Variants in ARSB observed in about 807,000 individuals in gnomAD.
ARSB encodes the protein N-acetylgalactosamine-4-sulfatase.
Under a neutral mutation model 50.9 loss-of-function variants are expected in ARSB, and 41 were observed. That is an observed-to-expected ratio of 0.81 (90% CI 0.63 to 1.04). ARSB has a LOEUF of 1.04. Among genes scored for constraint, ARSB ranks in the 50% least tolerant of loss-of-function variants. ARSB has a pLI of 0.00. For missense variants in ARSB, 672 were observed against 693.3 expected, an observed-to-expected ratio of 0.97 and a Z score of 0.35; for synonymous variants, 269 against 284.8, an observed-to-expected ratio of 0.94 and a Z score of 0.56.
At chr5:78,796,048 T>C (rs1480334132) in intron 6 of ARSB, among the ~76,000 whole-genome samples, 1 of 152,216 alleles carries the variant, frequency 6.6e-6, no homozygotes, top group East Asian at 1.9e-4. Context: ...GCAGTGTTGA[T>C]TGAGCAGTGT....
intron 1 of ARSB, among the ~76,000 whole-genome samples, chr5:78,983,866 T>C (rs1475655768): frequency 2.6e-5 from 4 of 152,180 alleles, no homozygotes; most frequent in African/African-American, 9.7e-5. Flanking sequence ...TTCAAATATA[T>C]ATCCCCTGTC....
intron 4 of ARSB, among the ~76,000 whole-genome samples, chr5:78,913,887 T>C (rs927215082): frequency 6.6e-6 from 1 of 151,992 alleles, no homozygotes; most frequent in Non-Finnish European, 1.5e-5. Flanking sequence ...ATTTTCACTA[T>C]AAAAGGTTAA....
In ARSB at chr5:78,954,270, GCTCT is replaced by G. The variant is rs1187271761; in HGVS notation, c.898+1021_898+1024del. On this transcript the variant is annotated intron_variant, in intron 4 of 7. Transcript: ENST00000264914. ...GGATCTGCATTTTCAGATTGAAAGT[GCTCT>G]CTGAGTACTCAGCATGATGAATAAA... Among the ~76,000 whole-genome samples the G allele has an allele frequency of 3.3e-5, 5 of 152,186 alleles. No homozygotes were observed. In the East Asian group the frequency reaches 7.7e-4, roughly 24 times the overall value.
chr5:78,791,279 T>C (rs767463171), intron 6 of ARSB, among the ~76,000 whole-genome samples: 1 of 152,236 alleles, frequency 6.6e-6, no homozygotes, highest in Non-Finnish European at 1.5e-5. Flanking sequence ...GATTTAGGTT[T>C]AATTAGCAAC....
chr5:78,929,292 C>A (rs1561507741), intron 4 of ARSB, among the ~76,000 whole-genome samples: 1 of 152,166 alleles, frequency 6.6e-6, no homozygotes, highest in Non-Finnish European at 1.5e-5. Flanking sequence ...CCTTTGGTAA[C>A]ATTTCTTCTC....
Position 78,823,958 on chromosome 5 carries a change from G to T in ARSB, c.1213+15398C>A, listed in dbSNP as rs192807635. On this transcript the variant is annotated intron_variant, in intron 6 of 7. Coordinates refer to ENST00000264914, the MANE Select transcript of ARSB (RefSeq NM_000046.5). ...GAAATGTGATCCCCAATGTTGGAGGGGGGGCACAGTGGGGAGTGTTTGGGC... is the reference window on the plus strand; with the variant it reads ...GAAATGTGATCCCCAATGTTGGAGGTGGGGCACAGTGGGGAGTGTTTGGGC... Among the ~76,000 whole-genome samples, 3 of 152,236 alleles carry T rather than the reference G, an allele frequency of 2.0e-5. No homozygotes were observed. In the East Asian group the frequency reaches 5.8e-4, roughly 29 times the overall value.
intron 5 of ARSB, among the ~76,000 whole-genome samples, chr5:78,874,685 C>T (rs1199970853): frequency 2.0e-5 from 3 of 152,010 alleles, no homozygotes; most frequent in African/African-American, 7.2e-5. Context: ...AATTCATCTA[C>T]TAAAACATTA....
intron 6 of ARSB, among the ~76,000 whole-genome samples, chr5:78,808,819 C>T (rs1743684895): frequency 6.6e-6 from 1 of 152,348 alleles, no homozygotes; most frequent in African/African-American, 2.4e-5. Flanking sequence ...TGGAGGGACA[C>T]AGGATGGCCC....
At chr5:78,984,284 A>G (rs1299982403) in intron 1 of ARSB, among the ~76,000 whole-genome samples, 1 of 152,228 alleles carries the variant, frequency 6.6e-6, no homozygotes, top group Non-Finnish European at 1.5e-5. Flanking sequence ...TGCACGCTCT[A>G]CATTTATATT....
At chr5:78,912,732 T>G (rs1230880098) in intron 4 of ARSB, among the ~76,000 whole-genome samples, 2 of 152,072 alleles carry the variant, frequency 1.3e-5, no homozygotes, top group Non-Finnish European at 2.9e-5. Flanking sequence ...GAAATAGAGG[T>G]CAGACAGGAG....
At chr5:78,871,531 T>C (rs1232329094) in intron 5 of ARSB, among the ~76,000 whole-genome samples, 4 of 150,196 alleles carry the variant, frequency 2.7e-5, no homozygotes, top group Non-Finnish European at 5.9e-5. Flanking sequence ...AACTATCTGA[T>C]CTTTGACAAA....
intron 5 of ARSB, among the ~76,000 whole-genome samples, chr5:78,853,506 G>T (rs1424028919): frequency 6.6e-6 from 1 of 152,228 alleles, no homozygotes; most frequent in Non-Finnish European, 1.5e-5. Flanking sequence ...GGGGTTCAGG[G>T]ATCAGGGACC....
chr5:78,930,013 C>A (rs1335641344), intron 4 of ARSB, among the ~76,000 whole-genome samples: 1 of 152,144 alleles, frequency 6.6e-6, no homozygotes, highest in Non-Finnish European at 1.5e-5. Context: ...ACCGGTCAGG[C>A]CACTCCCTCC....
intron 6 of ARSB, among the ~76,000 whole-genome samples, chr5:78,826,669 G>A (rs1322274650): frequency 6.6e-6 from 1 of 152,176 alleles, no homozygotes; most frequent in East Asian, 1.9e-4. Flanking sequence ...ATATTCTCTG[G>A]TTCAAAACTG....
At chr5:78,868,650 C>T (rs979495885) in intron 5 of ARSB, among the ~76,000 whole-genome samples, 1 of 148,816 alleles carries the variant, frequency 6.7e-6, no homozygotes, top group African/African-American at 2.5e-5. Context: ...CCTAAAAGAG[C>T]TCCTGAAGGA....
intron 2 of ARSB, among the ~76,000 whole-genome samples, chr5:78,966,414 A>G (rs763841032): frequency 5.3e-5 from 8 of 152,218 alleles, no homozygotes; most frequent in Non-Finnish European, 1.0e-4. Context: ...TGCTTTATGT[A>G]CCAGCTGCAT....
At chr5:78,904,136 T>C (rs987529020) in intron 4 of ARSB, among the ~76,000 whole-genome samples, 2 of 152,260 alleles carry the variant, frequency 1.3e-5, no homozygotes, top group Non-Finnish European at 2.9e-5. Flanking sequence ...TTCAGCATAA[T>C]GCATTTGTGA....
chr5:78,922,208 GGGA>G (rs1256597404), intron 4 of ARSB, among the ~76,000 whole-genome samples: 1 of 151,298 alleles, frequency 6.6e-6, no homozygotes, highest in Non-Finnish European at 1.5e-5. Context: ...TTGGTGGGGG[GGGA>G]GGAGGGGGCA....
chr5:78,811,228 C>T (rs1743794854), intron 6 of ARSB, among the ~76,000 whole-genome samples: 1 of 152,214 alleles, frequency 6.6e-6, no homozygotes, highest in African/African-American at 2.4e-5. Flanking sequence ...TACAGTGAAA[C>T]AATGGATGCT....
Sources: gnomAD v4.1 joint callset for allele counts (sites outside exome capture counted in the v4.1 genomes callset) on GRCh38, gnomAD v4.1.1 for gene constraint, MANE v1.5 for transcripts, NCBI Gene and HGNC (gene_info 2026-07-23, HGNC 2026-07-21) for gene names.